The following SCN3A variants were observed in gnomAD, a reference collection of about 807,000 sequenced individuals.
The protein encoded by SCN3A is sodium channel protein type 3 subunit alpha.
Under a neutral mutation model 187.6 loss-of-function variants are expected in SCN3A, and 60 were observed. That is an observed-to-expected ratio of 0.32 (90% CI 0.26 to 0.40). The LOEUF (loss-of-function observed/expected upper bound fraction) is 0.40. Ranked by LOEUF, SCN3A falls within the 10% of genes least tolerant of loss-of-function variation. The pLI is 1.00. For synonymous variants in SCN3A, 788 were observed against 829.2 expected (o/e 0.95, Z 0.85); for missense variants, 1,601 against 2,428.2 (o/e 0.66, Z 7.16).
At position 165,161,137 on chromosome 2, in the gene SCN3A, C is replaced by CTTTTTTTTTTTTTTTT. The variant is rs61608647; in HGVS notation, c.1031+1155_1031+1170dup. Among the ~76,000 whole-genome samples, 428 of 93,402 alleles carry CTTTTTTTTTTTTTTTT rather than the reference C, an allele frequency of 4.6e-3. 1 individual carries two copies. The highest frequency in any genetic ancestry group is 6.1e-3 in the Non-Finnish European group (274 of 44,976). The allele number at this position is 93,402 out of a possible 152,430, so 61.3% of individuals were successfully genotyped here. ...TTTCTTTTCTTTTTTTTCTTTCTTT[C>CTTTTTTTTTTTTTTTT]TTTTTTTTTTTTTTTTTTTTTTTTT... On this transcript the variant is annotated intron_variant, in intron 9 of 27. Coordinates refer to ENST00000283254, the MANE Select transcript of SCN3A (RefSeq NM_006922.4).
chr2:165,106,512 G>A (rs1332793878), intron 21 of SCN3A, among the ~76,000 whole-genome samples: 1 of 152,088 alleles, frequency 6.6e-6, no homozygotes, highest in South Asian at 2.1e-4. Context: ...TTTTTGGAAA[G>A]ATATGAATTG....
intron 2 of SCN3A, among the ~76,000 whole-genome samples, chr2:165,178,316 T>C (rs1690598552): frequency 6.6e-6 from 1 of 152,104 alleles, no homozygotes. Context: ...AGCCTTGAAC[T>C]CCCGGGCTCA....
intron 23 of SCN3A, 149 bp downstream of exon 23, chr2:165,097,103 A>G: frequency 1.4e-6 from 1 of 729,912 alleles, no homozygotes; most frequent in Non-Finnish European, 2.2e-6. Context: ...CATCTTTTTT[A>G]TGATCAATTC....
intron 21 of SCN3A, 112 bp downstream of exon 21, chr2:165,112,773 A>AT: frequency 1.0e-6 from 1 of 955,184 alleles, no homozygotes; most frequent in Non-Finnish European, 1.6e-6. Context: ...TTTTGTTTAA[A>AT]TAACTGCATA....
Position 165,164,427 on chromosome 2 carries a change from T to C in SCN3A, c.567A>G (p.Pro189=), listed in dbSNP as rs776183956. The C allele has an allele frequency of 2.5e-6, 4 of 1,613,838 alleles. No individual in the cohort carries two copies. The highest frequency in any genetic ancestry group is 1.1e-5 in the South Asian group (1 of 91,070). ...TGACACTGAAATCCAGCCAGTTCCA[T>C]GGATCACGAAGAAACGTAAAATCTT... ...CLEDFTFLRD[P]WNWLDFSVIV... The change falls in exon 6 of 28, where the codon CCA becomes CCG. Residue 189 remains proline (P), a synonymous_variant. Transcript: ENST00000283254.
intron 11 of SCN3A, among the ~76,000 whole-genome samples, chr2:165,154,224 T>C (rs7574983): frequency 0.73 from 110,790 of 151,644 alleles, 40,602 homozygotes; most frequent in East Asian, 0.84. Flanking sequence ...AAACCTTATC[T>C]CTAATGTATT....
intron 21 of SCN3A, among the ~76,000 whole-genome samples, chr2:165,109,270 T>C (rs1368574559): frequency 6.6e-6 from 1 of 152,156 alleles, no homozygotes; most frequent in Middle Eastern, 3.2e-3. Context: ...TCTGCCTAGG[T>C]GAGCTAAAAC....
chr2:165,139,771 A>T lies in SCN3A; in HGVS notation c.2020-163T>A, dbSNP rs2289400. Reference sequence around the variant, plus strand: ...CTAAGTTATAAACAGTTTTTTTTTTAAAAAAAAGTTATCACAGGTAGTACT... The same window carrying T: ...CTAAGTTATAAACAGTTTTTTTTTTTAAAAAAAGTTATCACAGGTAGTACT... On this transcript the variant is annotated intron_variant, in intron 13 of 27. Transcript: ENST00000283254. 0.45 allele frequency: 346,244 copies of T among 765,266 alleles called. 74,865 individuals are homozygous for T. The highest frequency in any genetic ancestry group is 0.75 in the East Asian group (25,067 of 33,340). The allele number at this position is 765,266 out of a possible 1,614,324, so 47.4% of individuals were successfully genotyped here.
chr2:165,201,983 C>A (rs1030799394), intron 1 of SCN3A, among the ~76,000 whole-genome samples: 2 of 152,004 alleles, frequency 1.3e-5, no homozygotes, highest in African/African-American at 4.8e-5. Context: ...TTTTCTGAGA[C>A]AACAAAACTC....
intron 20 of SCN3A, 27 bp downstream of exon 20, chr2:165,113,789 A>C: frequency 6.2e-7 from 1 of 1,610,776 alleles, no homozygotes; most frequent in Non-Finnish European, 8.5e-7. Context: ...CCAGAATCTG[A>C]TTCTTGCCAA....
rs1687866754 is a variant in SCN3A at position 165,139,500 on chromosome 2, T to C, written c.2128A>G (p.Ser710Gly). ...SGRQRAVSIA[S>G]ILTNTMEELE... ...CCTTCCATTGTGTTGGTCAGAATGC[T>C]GGCTATGCTCACGGCTCTTTGCCTT... is the stretch of plus-strand genomic sequence containing the variant. The change falls in exon 14 of 28, where the codon AGC becomes GGC. Residue 710 changes from serine (S) to glycine (G), a missense_variant. Transcript: ENST00000283254. 6.2e-7 allele frequency: 1 copy of C among 1,613,868 alleles called. No homozygotes were observed. The highest frequency in any genetic ancestry group is 8.5e-7 in the Non-Finnish European group (1 of 1,179,916).
chr2:165,100,799 T>A (rs922481957), intron 21 of SCN3A, among the ~76,000 whole-genome samples: 1 of 152,196 alleles, frequency 6.6e-6, no homozygotes, highest in African/African-American at 2.4e-5. Context: ...TCTCTTGAGT[T>A]TATGTAATAT....
At chr2:165,123,249 T>A (rs2105745590) in intron 18 of SCN3A, among the ~76,000 whole-genome samples, 1 of 152,276 alleles carries the variant, frequency 6.6e-6, no homozygotes, top group South Asian at 2.1e-4. Flanking sequence ...AGTTTATATT[T>A]GCTTCCATAC....
At chr2:165,151,221 C>CA (rs980309089) in intron 11 of SCN3A, among the ~76,000 whole-genome samples, 16 of 152,096 alleles carry the variant, frequency 1.1e-4, no homozygotes, top group African/African-American at 3.6e-4. Flanking sequence ...TCCATTACCC[C>CA]AAAAAATGCC....
At chr2:165,167,494 C>T (rs530417239) in intron 5 of SCN3A, among the ~76,000 whole-genome samples, 12 of 152,022 alleles carry the variant, frequency 7.9e-5, no homozygotes, top group South Asian at 6.2e-4. Flanking sequence ...ATCTTATCTC[C>T]GATTGTACAT....
chr2:165,203,799 T>A (rs1275153431), intron 1 of SCN3A, 24 bp downstream of exon 1: 4 of 151,876 alleles, frequency 2.6e-5, no homozygotes, highest in South Asian at 2.1e-4. Flanking sequence ...ATGGTGCAGA[T>A]AATGAAATGT....
chr2:165,094,338 G>A, intron 26 of SCN3A, 36 bp downstream of exon 26: 5 of 1,453,632 alleles, frequency 3.4e-6, no homozygotes, highest in Non-Finnish European at 4.8e-6. Flanking sequence ...ATGGACGCAT[G>A]GCTTTGGAAC....
chr2:165,158,482 A>C (rs1191247331), intron 9 of SCN3A, among the ~76,000 whole-genome samples: 1 of 136,796 alleles, frequency 7.3e-6, no homozygotes. Flanking sequence ...TAACAAATGC[A>C]TTAAGTTTCA....
intron 9 of SCN3A, among the ~76,000 whole-genome samples, chr2:165,157,548 T>C (rs1469727936): frequency 1.3e-5 from 2 of 152,208 alleles, no homozygotes; most frequent in Non-Finnish European, 2.9e-5. Context: ...ATGTTAACTT[T>C]CACCACCTGT....
Sources: allele counts gnomAD v4.1 joint callset (sites outside exome capture counted in the v4.1 genomes callset), GRCh38; gene constraint gnomAD v4.1.1; transcripts MANE v1.5; gene names NCBI Gene and HGNC (gene_info 2026-07-23, HGNC 2026-07-21).